The following OSBPL2 variants were observed in gnomAD, a reference collection of about 807,000 sequenced individuals.
OSBPL2 encodes the protein oxysterol binding protein like 2.
OSBPL2 carries 18 observed loss-of-function variants against 58.4 expected under a neutral mutation model. The observed-to-expected ratio is 0.31, with a 90% CI of 0.21 to 0.46. The LOEUF (loss-of-function observed/expected upper bound fraction) is 0.46, where lower values mean the gene tolerates loss of function less well. OSBPL2 is among the 20% of genes least tolerant of loss of function. OSBPL2 has a pLI of 1.00. For missense variants in OSBPL2, 461 were observed against 616.5 expected (o/e 0.75, Z 2.67); for synonymous variants, 221 against 234.1 (o/e 0.94, Z 0.51).
At chr20:62,290,565 C>T (rs567401185) in intron 12 of OSBPL2, among the ~76,000 whole-genome samples, 9 of 151,534 alleles carry the variant, frequency 5.9e-5, no homozygotes, top group Admixed American at 3.9e-4. Flanking sequence ...CTACAGGTGC[C>T]CCTGCCACCA....
intron 1 of OSBPL2, among the ~76,000 whole-genome samples, chr20:62,245,131 C>T (rs1980016053): frequency 6.6e-6 from 1 of 151,496 alleles, no homozygotes; most frequent in South Asian, 2.1e-4. Flanking sequence ...GGTGTCTTGC[C>T]TCTGTCGCCC....
At chr20:62,252,347 C>T (rs1232171116) in intron 1 of OSBPL2, among the ~76,000 whole-genome samples, 1 of 152,112 alleles carries the variant, frequency 6.6e-6, no homozygotes, top group African/African-American at 2.4e-5. Flanking sequence ...CTCTTTCTGT[C>T]TTTGTAATTG....
intron 4 of OSBPL2, among the ~76,000 whole-genome samples, chr20:62,271,217 G>A (rs554289160): frequency 6.5e-4 from 98 of 151,022 alleles, no homozygotes; most frequent in African/African-American, 2.2e-3. Flanking sequence ...GTGGGCACTC[G>A]TCCCCTTGGC....
At chr20:62,262,174 TG>T (rs1253783354) in intron 3 of OSBPL2, among the ~76,000 whole-genome samples, 2 of 148,994 alleles carry the variant, frequency 1.3e-5, no homozygotes, top group Admixed American at 1.3e-4. Context: ...GAACTGTGAA[TG>T]GCGCCCTGTT....
At chr20:62,244,618 G>A (rs1979971229) in intron 1 of OSBPL2, among the ~76,000 whole-genome samples, 2 of 152,254 alleles carry the variant, frequency 1.3e-5, no homozygotes, top group Middle Eastern at 3.2e-3. Flanking sequence ...GAAATACATC[G>A]TACTGCATTA....
rs1981454831 is a variant in OSBPL2 at position 62,263,547 on chromosome 20, C to T, written c.183-69C>T. 3 of 1,189,232 alleles carry T rather than the reference C, an allele frequency of 2.5e-6. No homozygotes were observed. The Admixed American group carries it at 5.1e-5, about 20-fold the overall frequency. The allele number at this position is 1,189,232 out of a possible 1,614,324, so 73.7% of individuals were successfully genotyped here. Reference sequence around the variant, plus strand: ...AAATTAAAGAGAAATCGTCATTGAGCACAGCCTCCTTGAGTGGTCAGAGTC... The same window carrying T: ...AAATTAAAGAGAAATCGTCATTGAGTACAGCCTCCTTGAGTGGTCAGAGTC... On this transcript the variant is annotated intron_variant, in intron 3 of 13. Transcript: ENST00000313733.
At chr20:62,292,658 G>A (rs1007580691) in intron 13 of OSBPL2, among the ~76,000 whole-genome samples, 1 of 152,226 alleles carries the variant, frequency 6.6e-6, no homozygotes, top group African/African-American at 2.4e-5. Context: ...ATCTTTGGGT[G>A]TTTGTGAAGC....
At position 62,284,053 on chromosome 20, in the gene OSBPL2, A is replaced by G. The variant is rs545890696; in HGVS notation, c.880A>G (p.Lys294Glu). Residue 294 changes from lysine to glutamate, a missense_variant, in exon 10 of 14, where the codon AAG becomes GAG. Coordinates refer to ENST00000313733, the MANE Select transcript of OSBPL2 (RefSeq NM_144498.4). ...EGHIQDKNKK[K>E]LFMIYGKWTE... ...AATCCCATTTAATTACAGCAAAAAG[A>G]AGCTCTTTATGATCTATGGCAAATG... 1.3e-5 allele frequency: 21 copies of G among 1,611,262 alleles called. No homozygotes were observed. The highest frequency in any genetic ancestry group is 1.7e-5 in the Non-Finnish European group (20 of 1,178,264).
intron 1 of OSBPL2, among the ~76,000 whole-genome samples, chr20:62,244,335 G>A (rs981032481): frequency 6.6e-6 from 1 of 152,202 alleles, no homozygotes; most frequent in Admixed American, 6.5e-5. Flanking sequence ...GGCTCCTCTC[G>A]GGGCCGTTGG....
intron 1 of OSBPL2, among the ~76,000 whole-genome samples, chr20:62,249,394 C>G (rs1054383047): frequency 6.6e-6 from 1 of 152,206 alleles, no homozygotes; most frequent in Non-Finnish European, 1.5e-5. Context: ...CTGAAATACT[C>G]TCTCTGGGGA....
At chr20:62,253,191 G>A (rs1980685126) in intron 1 of OSBPL2, among the ~76,000 whole-genome samples, 1 of 152,280 alleles carries the variant, frequency 6.6e-6, no homozygotes, top group Non-Finnish European at 1.5e-5. Context: ...ACGCACCTGT[G>A]TGCCTTGTTC....
chr20:62,259,597 G>A (rs759832919), intron 2 of OSBPL2, among the ~76,000 whole-genome samples: 18 of 152,364 alleles, frequency 1.2e-4, no homozygotes, highest in Admixed American at 3.3e-4. Context: ...AGCCACAACG[G>A]GCGCATCGCA....
intron 5 of OSBPL2, 75 bp from the exon 6 acceptor site, chr20:62,273,234 C>G: frequency 8.4e-7 from 1 of 1,190,872 alleles, no homozygotes; most frequent in South Asian, 1.3e-5. Flanking sequence ...GCCCACCGCC[C>G]TCCACAAGAG....
rs548424772 is a variant in OSBPL2 at position 62,247,493 on chromosome 20, G to T, written c.-128-8564G>T. Among the ~76,000 whole-genome samples, 4 of 152,322 alleles carry T rather than the reference G, an allele frequency of 2.6e-5. No individual in the cohort carries two copies. The South Asian group carries it at 8.3e-4, about 32-fold the overall frequency. On this transcript the variant is annotated intron_variant, in intron 1 of 13. Transcript: ENST00000313733. Reference sequence around the variant, plus strand: ...GGACTGTAGCTCCCCGGCCATGCCTGACCGCAGTGTGATCCCTACGGGAAT... The same window carrying T: ...GGACTGTAGCTCCCCGGCCATGCCTTACCGCAGTGTGATCCCTACGGGAAT...
intron 1 of OSBPL2, among the ~76,000 whole-genome samples, chr20:62,239,294 G>T (rs1979560552): frequency 6.6e-6 from 1 of 152,254 alleles, no homozygotes; most frequent in African/African-American, 2.4e-5. Flanking sequence ...GTAATTTTAA[G>T]AGGTTCCTTC....
chr20:62,278,923 T>C (rs959852506), intron 6 of OSBPL2: 3 of 511,138 alleles, frequency 5.9e-6, no homozygotes, highest in East Asian at 3.4e-5. Context: ...TGTGTGTGTG[T>C]GTCTGTTGCC....
intron 4 of OSBPL2, 94 bp downstream of exon 4, chr20:62,263,785 G>A: frequency 8.7e-7 from 1 of 1,145,638 alleles, no homozygotes; most frequent in Non-Finnish European, 1.3e-6. Context: ...TGCGCTCTTG[G>A]CCGGGCGCGG....
chr20:62,272,959 A>G (rs1464347525), intron 5 of OSBPL2, among the ~76,000 whole-genome samples: 1 of 152,218 alleles, frequency 6.6e-6, no homozygotes, highest in Admixed American at 6.5e-5. Context: ...GTGTGTGCGC[A>G]TGCCTCTGTG....
chr20:62,252,710 C>T (rs770956117), intron 1 of OSBPL2, among the ~76,000 whole-genome samples: 20 of 152,326 alleles, frequency 1.3e-4, no homozygotes, highest in Admixed American at 9.1e-4. Flanking sequence ...AATTAGGTCG[C>T]GGTTCTGCTC....
Sources: allele counts gnomAD v4.1 joint callset (sites outside exome capture counted in the v4.1 genomes callset), GRCh38; gene constraint gnomAD v4.1.1; transcripts MANE v1.5; gene names NCBI Gene and HGNC (gene_info 2026-07-23, HGNC 2026-07-21).